Variants in GPHN observed in about 807,000 individuals in gnomAD.
The protein encoded by GPHN is gephyrin.
GPHN carries 17 observed loss-of-function variants against 95.5 expected under a neutral mutation model. The observed-to-expected ratio is 0.18, with a 90% CI of 0.12 to 0.27. The LOEUF is 0.27. Ranked by LOEUF, GPHN falls within the 10% of genes least tolerant of loss-of-function variation. The pLI is 1.00. For missense variants in GPHN, 660 were observed against 978.1 expected, an observed-to-expected ratio of 0.67 and a Z score of 4.34; for synonymous variants, 320 against 322.5, an observed-to-expected ratio of 0.99 and a Z score of 0.08.
the GPHN span, among the ~76,000 whole-genome samples, chr14:67,365,810 G>A: frequency 0.019 from 2,883 of 151,036 alleles, 37 homozygotes; most frequent in Middle Eastern, 0.034. Context: ...CTGGTTTACT[G>A]ATACTTTCTC....
the GPHN span, chr14:67,338,785 G>A: frequency 2.5e-6 from 4 of 1,590,194 alleles, no homozygotes; most frequent in Non-Finnish European, 2.6e-6. Context: ...GGTGGGGGTG[G>A]ATTTTTTAAA....
the GPHN span, chr14:67,204,710 A>G: frequency 6.2e-7 from 1 of 1,613,888 alleles, no homozygotes; most frequent in Non-Finnish European, 8.5e-7. Flanking sequence ...AATCAGGAGA[A>G]AGCCAAAGTT....
At chr14:67,402,647 T>C in the GPHN span, among the ~76,000 whole-genome samples, 1 of 152,196 alleles carries the variant, frequency 6.6e-6, no homozygotes, top group East Asian at 1.9e-4. Flanking sequence ...TTTTGATTTT[T>C]AGAGCTGGCG....
At chr14:66,762,826 G>A (rs767383082) in intron 2 of GPHN, among the ~76,000 whole-genome samples, 8 of 152,046 alleles carry the variant, frequency 5.3e-5, no homozygotes, top group Non-Finnish European at 1.2e-4. Context: ...AGAATGGTGA[G>A]GTAAAAAGGT....
intron 4 of GPHN, among the ~76,000 whole-genome samples, chr14:66,834,935 C>G (rs1290798057): frequency 1.4e-5 from 2 of 141,006 alleles, no homozygotes; most frequent in African/African-American, 2.7e-5. Flanking sequence ...ATTTCAGATC[C>G]TGTTATTGGT....
intron 2 of GPHN, among the ~76,000 whole-genome samples, chr14:66,682,202 TTTC>T (rs1339588614): frequency 2.0e-5 from 3 of 152,212 alleles, no homozygotes; most frequent in Non-Finnish European, 4.4e-5. Flanking sequence ...TCTCCATTTT[TTTC>T]TTTTCTCCAT....
intron 19 of GPHN, among the ~76,000 whole-genome samples, chr14:67,164,045 G>T (rs1157834750): frequency 6.6e-6 from 1 of 151,762 alleles, no homozygotes; most frequent in Non-Finnish European, 1.5e-5. Flanking sequence ...GAGGCAGGCG[G>T]ATCACCTGAG....
At chr14:66,555,628 GA>G (rs965817136) in intron 1 of GPHN, among the ~76,000 whole-genome samples, 3 of 151,638 alleles carry the variant, frequency 2.0e-5, no homozygotes, top group South Asian at 4.2e-4. Context: ...GACAAAAAAA[GA>G]AAAAAAATCC....
At chr14:66,577,781 T>C (rs2060968699) in intron 1 of GPHN, among the ~76,000 whole-genome samples, 1 of 152,092 alleles carries the variant, frequency 6.6e-6, no homozygotes, top group African/African-American at 2.4e-5. Context: ...GATTTCACTA[T>C]GGACAGAATT....
At chr14:67,266,032 T>A in the GPHN span, among the ~76,000 whole-genome samples, 7,379 of 152,140 alleles carry the variant, frequency 0.049, 348 homozygotes, top group African/African-American at 0.12. Flanking sequence ...TGTCTCAAAC[T>A]CCTGGTCTCA....
chr14:67,152,823 G>T (rs1466927920), intron 18 of GPHN, among the ~76,000 whole-genome samples: 1 of 152,042 alleles, frequency 6.6e-6, no homozygotes, highest in Non-Finnish European at 1.5e-5. Context: ...AAATTGGCTG[G>T]GTGTGGTGGT....
the GPHN span, among the ~76,000 whole-genome samples, chr14:67,247,255 C>T: frequency 1.3e-5 from 2 of 151,994 alleles, no homozygotes; most frequent in Non-Finnish European, 2.9e-5. Flanking sequence ...TAAGTCTATA[C>T]CTAATTATTT....
chr14:67,251,929 G>T, the GPHN span, among the ~76,000 whole-genome samples: 6 of 152,190 alleles, frequency 3.9e-5, no homozygotes, highest in Non-Finnish European at 8.8e-5. Context: ...CCAATGGCCA[G>T]TAATTTAATC....
At chr14:67,561,122 G>T in the GPHN span, among the ~76,000 whole-genome samples, 3 of 152,288 alleles carry the variant, frequency 2.0e-5, no homozygotes, top group East Asian at 5.8e-4. Context: ...CCCTTCTTTG[G>T]ATGTACATCT....
intron 8 of GPHN, among the ~76,000 whole-genome samples, chr14:66,961,448 A>G (rs1409025606): frequency 6.6e-6 from 1 of 151,970 alleles, no homozygotes; most frequent in Non-Finnish European, 1.5e-5. Flanking sequence ...TCGTTCATCA[A>G]TAGACATGAT....
the GPHN span, among the ~76,000 whole-genome samples, chr14:67,634,430 C>CA: frequency 0.089 from 10,221 of 114,406 alleles, 501 homozygotes; most frequent in African/African-American, 0.15. Flanking sequence ...CTATCTCTAC[C>CA]AAAAAAAAAA....
intron 11 of GPHN, among the ~76,000 whole-genome samples, chr14:67,070,737 G>C (rs1270369394): frequency 7.9e-6 from 1 of 126,618 alleles, no homozygotes; most frequent in African/African-American, 3.7e-5. Context: ...TATCCAATCA[G>C]CATTCTGTAT....
intron 2 of GPHN, among the ~76,000 whole-genome samples, chr14:66,740,337 A>G (rs2072687420): frequency 6.6e-6 from 1 of 152,142 alleles, no homozygotes; most frequent in Admixed American, 6.5e-5. Flanking sequence ...TGAGGGAAAT[A>G]TTTACCTTAA....
chr14:66,640,920 A>G (rs1215062004), intron 1 of GPHN, among the ~76,000 whole-genome samples: 2 of 152,200 alleles, frequency 1.3e-5, no homozygotes, highest in African/African-American at 4.8e-5. Context: ...ATCACATTCA[A>G]TATAAATTGA....
Sources: gnomAD v4.1 joint callset for allele counts (sites outside exome capture counted in the v4.1 genomes callset) on GRCh38, gnomAD v4.1.1 for gene constraint, MANE v1.5 for transcripts, NCBI Gene and HGNC (gene_info 2026-07-23, HGNC 2026-07-21) for gene names.